LHX6: variants seen among roughly 807,000 people sequenced by gnomAD.
LHX6 encodes the protein LIM homeobox 6.
In LHX6, 15 loss-of-function variants were observed where a neutral mutation model predicts 47.1. That is an observed-to-expected ratio of 0.32 (90% CI 0.21 to 0.49). The LOEUF (loss-of-function observed/expected upper bound fraction) is 0.49. Ranked by LOEUF, LHX6 falls within the 20% of genes least tolerant of loss-of-function variation. LHX6 has a pLI of 0.99. For missense variants in LHX6, 404 were observed against 539.6 expected (o/e 0.75, Z 2.49); for synonymous variants, 242 against 233.5 (o/e 1.04, Z -0.33).
Position 122,226,485 on chromosome 9 carries a change from T to C in LHX6, c.352A>G (p.Ile118Val), listed in dbSNP as rs1831103639. The C allele has an allele frequency of 6.2e-7, 1 of 1,613,184 alleles. No homozygotes were observed. ...CACTCGAGGCACCGCACGTGCCAGATGAGGTTGTTGACCTGGGGACGGGGC... is the reference window on the plus strand; with the variant it reads ...CACTCGAGGCACCGCACGTGCCAGACGAGGTTGTTGACCTGGGGACGGGGC... The part of the protein sequence containing the change: ...DRYLLKVNNL[I>V]WHVRCLECSV... The change falls in exon 4 of 10, where the codon ATC becomes GTC. Residue 118 changes from isoleucine to valine, a missense_variant. By Grantham distance (29) the Ile-to-Val change is conservative (BLOSUM62 3). Coordinates refer to ENST00000394319, the MANE Select transcript of LHX6 (RefSeq NM_014368.5). The surrounding 1 kb of genome is among the most constrained non-coding windows in gnomAD (Gnocchi z 6.5).
chr9:122,225,771 G>A (rs912859168), intron 4 of LHX6, among the ~76,000 whole-genome samples: 7 of 152,232 alleles, frequency 4.6e-5, no homozygotes, highest in African/African-American at 7.2e-5. Flanking sequence ...AGATGGAGCC[G>A]GAGACAGAGG....
chr9:122,225,830 T>C (rs1350201947), intron 4 of LHX6, among the ~76,000 whole-genome samples: 2 of 152,136 alleles, frequency 1.3e-5, no homozygotes, highest in Non-Finnish European at 2.9e-5. Context: ...TCTGAGACGG[T>C]TGCGGCGCTG....
chr9:122,226,108 G>C lies in LHX6; in HGVS notation c.461+268C>G, dbSNP rs2118913827. On this transcript the variant is annotated intron_variant, in intron 4 of 9. Transcript: ENST00000394319. The surrounding 1 kb of genome is among the most constrained non-coding windows in gnomAD (Gnocchi z 6.5). ...GAAGCCTGAGACTTAGGCAGGACCC[G>C]AGACAGAGCCAGAGACGATACCGAA... is the stretch of plus-strand genomic sequence containing the variant. 6.6e-6 allele frequency among the ~76,000 whole-genome samples: 1 copy of C among 152,316 alleles called. No individual in the cohort carries two copies. Among genetic ancestry groups the C allele is most frequent in the African/African-American group, 2.4e-5 (1 of 41,568 alleles).
chr9:122,213,358 T>C lies in LHX6; in HGVS notation c.1054+248A>G, dbSNP rs1588342220. Among the ~76,000 whole-genome samples, 1 of 152,148 alleles carries C rather than the reference T, an allele frequency of 6.6e-6. No homozygotes were observed. Among genetic ancestry groups the C allele is most frequent in the East Asian group, 1.9e-4 (1 of 5,172 alleles). On this transcript the variant is annotated intron_variant, in intron 8 of 9. Transcript: ENST00000394319. The surrounding 1 kb of genome is among the most constrained non-coding windows in gnomAD (Gnocchi z 5.5). ...CGGGCACTGGCACATTGTGGGTGCT[T>C]TGAAGGCATTTTTTGAATGGCTGCT...
In LHX6 at chr9:122,214,518, C is replaced by T. The variant is rs1314694190; in HGVS notation, c.683-135G>A. ...GGCTGGGAGCAGGGATCCCAGGGTC[C>T]TAGTCCCTGAGCTCAGTCTTTGGGG... On this transcript the variant is annotated intron_variant, in intron 5 of 9. Coordinates refer to ENST00000394319, the MANE Select transcript of LHX6 (RefSeq NM_014368.5). This position sits in a 1 kb window ranked among gnomAD's most constrained non-coding sequence, Gnocchi z 4.6. 3.7e-5 allele frequency: 47 copies of T among 1,266,192 alleles called. No homozygotes were observed. Among genetic ancestry groups the T allele is most frequent in the Non-Finnish European group, 4.5e-5 (44 of 967,476 alleles). 78.4% of individuals were successfully genotyped at this position (1,266,192 alleles called of 1,614,324 possible).
chr9:122,224,214 G>A (rs1830996155), intron 4 of LHX6, among the ~76,000 whole-genome samples: 1 of 152,082 alleles, frequency 6.6e-6, no homozygotes, highest in Non-Finnish European at 1.5e-5. Context: ...TTTTAGTAGA[G>A]ATGGGTTTCA....
intron 9 of LHX6, among the ~76,000 whole-genome samples, chr9:122,208,945 C>T (rs1564432862): frequency 6.6e-6 from 1 of 151,846 alleles, no homozygotes; most frequent in South Asian, 2.1e-4. Context: ...ACAGCACTGG[C>T]TTTCGAGGCT....
rs374714258 is a variant in LHX6 at position 122,204,743 on chromosome 9, C to A, written c.*17G>T. 19 of 1,596,402 alleles carry A rather than the reference C, an allele frequency of 1.2e-5. No individual in the cohort carries two copies. Among genetic ancestry groups the A allele is most frequent in the Non-Finnish European group, 1.5e-5 (18 of 1,171,394 alleles). Reference sequence around the variant, plus strand: ...GCTGTGGGGCGCCCACGGGCAGATGCGGAAGTGCCGGCAGCGTTAGTACTG... The same window carrying A: ...GCTGTGGGGCGCCCACGGGCAGATGAGGAAGTGCCGGCAGCGTTAGTACTG... On this transcript the variant is annotated 3_prime_UTR_variant, in exon 10 of 10. Coordinates refer to ENST00000394319, the MANE Select transcript of LHX6 (RefSeq NM_014368.5).
At chr9:122,216,059 G>T (rs1321278030) in intron 5 of LHX6, among the ~76,000 whole-genome samples, 1 of 152,174 alleles carries the variant, frequency 6.6e-6, no homozygotes, top group South Asian at 2.1e-4. Flanking sequence ...GTGTGGTATG[G>T]TATGATATGG....
chr9:122,210,142 T>C (rs974847391), intron 8 of LHX6, among the ~76,000 whole-genome samples: 4 of 152,078 alleles, frequency 2.6e-5, no homozygotes, highest in Non-Finnish European at 5.9e-5. Context: ...ACGGTCTTGA[T>C]CTCCTGACCT....
chr9:122,218,832 C>A (rs1830699405), intron 4 of LHX6, among the ~76,000 whole-genome samples: 1 of 152,322 alleles, frequency 6.6e-6, no homozygotes, highest in African/African-American at 2.4e-5. Context: ...ATGGCCTCCT[C>A]TGAAGCACTT....
rs745801203 is a variant in LHX6, at chr9:122,202,649, G to A, written c.*2111C>T. On this transcript the variant is annotated 3_prime_UTR_variant, in exon 10 of 10. Coordinates refer to ENST00000394319, the MANE Select transcript of LHX6 (RefSeq NM_014368.5). Reference sequence around the variant, plus strand: ...CACAAATAAGACATTTACAAAGCACGACATGAAAGGTATGTAACAAAACAG... The same window carrying A: ...CACAAATAAGACATTTACAAAGCACAACATGAAAGGTATGTAACAAAACAG... 6.6e-6 allele frequency: 1 copy of A among 152,506 alleles called. No individual in the cohort carries two copies. Among genetic ancestry groups the A allele is most frequent in the African/African-American group, 2.4e-5 (1 of 41,412 alleles). 9.4% of individuals were successfully genotyped at this position (152,506 alleles called of 1,614,324 possible).
At chr9:122,208,863 G>T (rs1189425105) in intron 9 of LHX6, among the ~76,000 whole-genome samples, 1 of 146,624 alleles carries the variant, frequency 6.8e-6, no homozygotes, top group Non-Finnish European at 1.5e-5. Context: ...AAAAAGCAAG[G>T]TTCTCATCCA....
In LHX6 at chr9:122,209,632, G is replaced by A. The variant is rs775104521; in HGVS notation, c.1140C>T (p.Leu380=). The part of the protein sequence containing the change: ...VHLKADMDGP[L]SNRGEKVILF... ...CATTTACCTTCTCACCCCGGTTGGA[G>A]AGCGGCCCATCCATATCGGCTTTGA... is the stretch of plus-strand genomic sequence containing the variant. The change falls in exon 9 of 10, where the codon CTC becomes CTT. Residue 380 remains leucine (L), a synonymous_variant. Transcript: ENST00000394319. 5.6e-6 allele frequency: 9 copies of A among 1,597,936 alleles called. No individual in the cohort carries two copies. In the African/African-American group the frequency reaches 8.0e-5, roughly 14 times the overall value.
chr9:122,228,745 C>A lies in LHX6; in HGVS notation c.-5G>T. 1.6e-6 allele frequency: 2 copies of A among 1,259,538 alleles called. No homozygotes were observed. Among genetic ancestry groups the A allele is most frequent in the East Asian group, 6.3e-5 (2 of 31,598 alleles). The allele number at this position is 1,259,538 out of a possible 1,614,324, so 78.0% of individuals were successfully genotyped here. A position where few individuals can be genotyped will look rare whatever the true frequency, so the allele number is the denominator to read the frequency against. ...GTTCTCATGCTTCCAGTACATGGGC[C>A]GGGGAACCTCGGGCTCAGCGGGCGC... is the stretch of plus-strand genomic sequence containing the variant. On this transcript the variant is annotated 5_prime_UTR_variant, in exon 1 of 10. Coordinates refer to ENST00000394319, the MANE Select transcript of LHX6 (RefSeq NM_014368.5).
intron 4 of LHX6, among the ~76,000 whole-genome samples, chr9:122,224,050 C>T (rs1250653010): frequency 2.0e-5 from 3 of 152,080 alleles, no homozygotes; most frequent in Non-Finnish European, 4.4e-5. Context: ...TTTTTTGAGA[C>T]AGAGTCTCTC....
chr9:122,206,416 A>G (rs1830182613), intron 9 of LHX6, among the ~76,000 whole-genome samples: 1 of 152,158 alleles, frequency 6.6e-6, no homozygotes, highest in Non-Finnish European at 1.5e-5. Flanking sequence ...ACCAAGCCCC[A>G]GGAATTTGAG....
At chr9:122,228,507 G>T in intron 1 of LHX6, 150 bp downstream of exon 1, 1 of 1,366,596 alleles carries the variant, frequency 7.3e-7, no homozygotes, top group Non-Finnish European at 9.4e-7. Flanking sequence ...CCGCTCGCGC[G>T]CGCGCTCCCA....
At chr9:122,228,220 A>C (rs1831190804) in intron 1 of LHX6, 1 of 1,512,718 alleles carries the variant, frequency 6.6e-7, no homozygotes, top group Admixed American at 2.0e-5. Context: ...AGAGAGCGAG[A>C]TCGGGGCGAA....
Sources: allele counts gnomAD v4.1 joint callset (sites outside exome capture counted in the v4.1 genomes callset), GRCh38; gene constraint gnomAD v4.1.1; non-coding constraint Gnocchi (gnomAD v3.1); transcripts MANE v1.5; gene names NCBI Gene and HGNC (gene_info 2026-07-23, HGNC 2026-07-21).